CEP70: variants seen among roughly 807,000 people sequenced by gnomAD.
The protein encoded by CEP70 is centrosomal protein of 70 kDa.
In CEP70, 70 loss-of-function variants were observed where a neutral mutation model predicts 90.9. That is an observed-to-expected ratio of 0.77 (90% confidence interval 0.64 to 0.94). The LOEUF (loss-of-function observed/expected upper bound fraction) is 0.94. Among genes scored for constraint, CEP70 ranks in the 40% least tolerant of loss-of-function variants. The pLI is 0.00. For synonymous variants in CEP70, 220 were observed against 228.3 expected, an observed-to-expected ratio of 0.96 and a Z score of 0.33; for missense variants, 648 against 669.0, an observed-to-expected ratio of 0.97 and a Z score of 0.35.
intron 7 of CEP70, among the ~76,000 whole-genome samples, chr3:138,533,648 G>A (rs886643767): frequency 2.6e-5 from 4 of 152,214 alleles, no homozygotes; most frequent in East Asian, 1.9e-4. Flanking sequence ...CTCATTTTGA[G>A]AAACAGTAGG....
intron 17 of CEP70, among the ~76,000 whole-genome samples, chr3:138,495,516 T>C (rs1459675377): frequency 6.6e-6 from 1 of 152,166 alleles, no homozygotes; most frequent in Non-Finnish European, 1.5e-5. Flanking sequence ...CCTCTTTAAT[T>C]TTCTTGGGAA....
At chr3:138,502,931 T>C (rs757155577) in intron 13 of CEP70, among the ~76,000 whole-genome samples, 20 of 152,168 alleles carry the variant, frequency 1.3e-4, no homozygotes, top group Non-Finnish European at 2.4e-4. Flanking sequence ...CATCTGTAGT[T>C]CACCTTTCTT....
chr3:138,558,159 G>A (rs1270931437), intron 6 of CEP70, among the ~76,000 whole-genome samples: 2 of 152,206 alleles, frequency 1.3e-5, no homozygotes, highest in African/African-American at 4.8e-5. Flanking sequence ...GAGGTCAGGA[G>A]TTCGAGACTA....
At chr3:138,552,184 A>G (rs938372354) in intron 6 of CEP70, among the ~76,000 whole-genome samples, 2 of 152,196 alleles carry the variant, frequency 1.3e-5, no homozygotes, top group African/African-American at 4.8e-5. Context: ...AACAACTACT[A>G]CTAGACCTAA....
At chr3:138,512,245 G>T (rs1020595088) in intron 11 of CEP70, among the ~76,000 whole-genome samples, 3 of 152,270 alleles carry the variant, frequency 2.0e-5, no homozygotes, top group South Asian at 4.1e-4. Context: ...AAGGAGCCCA[G>T]GGTACTGCTG....
intron 2 of CEP70, among the ~76,000 whole-genome samples, chr3:138,581,637 A>T (rs995792635): frequency 2.0e-5 from 3 of 149,434 alleles, no homozygotes; most frequent in African/African-American, 7.5e-5. Context: ...TGGGAGGTAA[A>T]GGTTGCAGTG....
intron 6 of CEP70, among the ~76,000 whole-genome samples, chr3:138,569,137 C>A (rs2040992926): frequency 6.6e-6 from 1 of 152,144 alleles, no homozygotes; most frequent in Admixed American, 6.5e-5. Flanking sequence ...GGCACATAAA[C>A]AAGGTCAGAG....
chr3:138,519,383 G>A (rs1271587976), intron 11 of CEP70, among the ~76,000 whole-genome samples: 1 of 152,150 alleles, frequency 6.6e-6, no homozygotes, highest in Non-Finnish European at 1.5e-5. Flanking sequence ...ATAATTGTCA[G>A]ATTCATCAAA....
rs2041143901 is a variant in CEP70 at position 138,571,112 on chromosome 3, TTC to T, written c.204_205del (p.Asn69PhefsTer22). 6.2e-7 allele frequency: 1 copy of T among 1,605,366 alleles called. No individual in the cohort carries two copies. Among genetic ancestry groups the T allele is most frequent in the Non-Finnish European group, 8.5e-7 (1 of 1,173,086 alleles). ...TGTTTCTTCCACCAACAATTTCAAA[TTC>T]TGTCTCATCCTTTGTGATGACTGTT... On this transcript the variant is annotated frameshift_variant, in exon 5 of 18. Coordinates refer to ENST00000264982, the MANE Select transcript of CEP70 (RefSeq NM_024491.4). LOFTEE classifies it high-confidence loss of function.
At position 138,504,766 on chromosome 3, in the gene CEP70, G is replaced by C. The variant is rs138780711; in HGVS notation, c.1221+529C>G. Among the ~76,000 whole-genome samples, 128 of 152,274 alleles carry C rather than the reference G, an allele frequency of 8.4e-4. 1 individual carries two copies. The highest frequency in any genetic ancestry group is 4.1e-4 in the Non-Finnish European group (28 of 68,014). On this transcript the variant is annotated intron_variant, in intron 13 of 17. Transcript: ENST00000264982. The stretch of plus-strand genomic sequence containing the variant: ...TTCCATGAAGAGATAGGATAGGGAA[G>C]GGTAGCGTTGGCTGCTAGCTTACTA...
rs114167619 is a variant in CEP70 at position 138,503,552 on chromosome 3, T to C, written c.1221+1743A>G. Among the ~76,000 whole-genome samples the C allele has an allele frequency of 6.6e-3, 1,013 of 152,340 alleles. 11 individuals carry two copies. The highest frequency in any genetic ancestry group is 0.023 in the African/African-American group (969 of 41,582). ...ATATGAGGCCTCAGAGAATCTCATG[T>C]AGTTTCTTAATTTGGACCCTGAAAC... On this transcript the variant is annotated intron_variant, in intron 13 of 17. Coordinates refer to ENST00000264982, the MANE Select transcript of CEP70 (RefSeq NM_024491.4).
In CEP70 at chr3:138,567,999, T is replaced by A. The variant is rs150912169; in HGVS notation, c.465+2319A>T. On this transcript the variant is annotated intron_variant, in intron 6 of 17. Coordinates refer to ENST00000264982, the MANE Select transcript of CEP70 (RefSeq NM_024491.4). Reference sequence around the variant, plus strand: ...TTCAGGGGCGGCAATTCCTTGGGTTTGCTGATTTCTGTTTACACTCTATAA... The same window carrying A: ...TTCAGGGGCGGCAATTCCTTGGGTTAGCTGATTTCTGTTTACACTCTATAA... 6.7e-4 allele frequency among the ~76,000 whole-genome samples: 102 copies of A among 152,258 alleles called. No individual in the cohort carries two copies. The East Asian group carries it at 0.016, about 24-fold the overall frequency.
At chr3:138,548,523 G>A (rs141600295) in intron 6 of CEP70, among the ~76,000 whole-genome samples, 215 of 152,300 alleles carry the variant, frequency 1.4e-3, no homozygotes, top group African/African-American at 5.0e-3. Flanking sequence ...TTGTGACCCT[G>A]CTTACTCTTT....
At chr3:138,573,014 GGA>G in intron 2 of CEP70, 82 bp from the exon 3 acceptor site, 1 of 912,586 alleles carries the variant, frequency 1.1e-6, no homozygotes, top group South Asian at 1.4e-5. Context: ...AAGTGCAAAA[GGA>G]GTTAAAGAAA....
intron 12 of CEP70, among the ~76,000 whole-genome samples, chr3:138,508,220 A>T (rs1296271329): frequency 6.6e-6 from 1 of 152,136 alleles, no homozygotes; most frequent in Non-Finnish European, 1.5e-5. Flanking sequence ...CTCTTTACTA[A>T]CCTCCTTTGA....
intron 8 of CEP70, chr3:138,531,575 C>A (rs766620409): frequency 2.0e-5 from 3 of 152,166 alleles, no homozygotes; most frequent in Admixed American, 1.3e-4. Context: ...ACGACAGTTT[C>A]ATTTGGAAGT....
chr3:138,521,018 C>T (rs1259028536), intron 11 of CEP70, among the ~76,000 whole-genome samples: 4 of 152,162 alleles, frequency 2.6e-5, no homozygotes, highest in Admixed American at 1.3e-4. Context: ...CCATGTTGGC[C>T]GGGCTGCTCT....
intron 8 of CEP70, among the ~76,000 whole-genome samples, chr3:138,530,076 C>T (rs139822821): frequency 2.1e-4 from 32 of 152,282 alleles, no homozygotes; most frequent in African/African-American, 7.5e-4. Context: ...CTGAAGGACT[C>T]TGTGAAATGC....
intron 11 of CEP70, among the ~76,000 whole-genome samples, chr3:138,510,856 C>CT (rs869032871): frequency 0.01 from 1,123 of 106,970 alleles, 20 homozygotes; most frequent in Middle Eastern, 0.035. Flanking sequence ...CTTTTTCCAT[C>CT]TTTTTTTTTT....
Sources: allele counts gnomAD v4.1 joint callset (sites outside exome capture counted in the v4.1 genomes callset), GRCh38; gene constraint gnomAD v4.1.1; transcripts MANE v1.5; gene names NCBI Gene and HGNC (gene_info 2026-07-23, HGNC 2026-07-21).